Variants in NTPCR observed in about 807,000 individuals in gnomAD.
NTPCR encodes cancer-related nucleoside-triphosphatase.
Under a neutral mutation model 19.5 loss-of-function variants are expected in NTPCR, and 15 were observed. The observed-to-expected ratio is 0.77, with a 90% CI of 0.51 to 1.18. The LOEUF (loss-of-function observed/expected upper bound fraction) is 1.18. NTPCR is among the 50% of genes most tolerant of loss of function. NTPCR has a pLI of 0.00. For synonymous variants in NTPCR, 90 were observed against 95.8 expected (o/e 0.94, Z 0.36); for missense variants, 206 against 240.4 (o/e 0.86, Z 0.95).
chr1:232,951,551 A>T (rs546468284), intron 1 of NTPCR, among the ~76,000 whole-genome samples: 1 of 152,314 alleles, frequency 6.6e-6, no homozygotes, highest in Admixed American at 6.5e-5. Flanking sequence ...CTAAAAAAAG[A>T]TAGATGGGCT....
chr1:232,969,955 A>C lies in NTPCR; in HGVS notation c.341A>C (p.Glu114Ala). The change falls in exon 4 of 5, where the codon GAG becomes GCG. Residue 114 changes from glutamate to alanine, a missense_variant. Transcript: ENST00000366628. ...GGGCAAAGAGTGTGCGTCATCGATG[A>C]GATTGGGAAGATGGAGCTCTTCAGT... Reference protein sequence around the residue: ...GPGQRVCVIDEIGKMELFSQL... With the variant: ...GPGQRVCVIDAIGKMELFSQL... 1 of 1,614,166 alleles carries C rather than the reference A, an allele frequency of 6.2e-7. No individual in the cohort carries two copies. The highest frequency in any genetic ancestry group is 1.1e-5 in the South Asian group (1 of 91,078).
At chr1:232,951,931 T>C (rs1428307500) in intron 1 of NTPCR, among the ~76,000 whole-genome samples, 1 of 152,166 alleles carries the variant, frequency 6.6e-6, no homozygotes, top group Non-Finnish European at 1.5e-5. Context: ...CCAAGACAAC[T>C]GTGTGTTTTA....
At chr1:232,951,084 G>T in intron 1 of NTPCR, 1 of 280,414 alleles carries the variant, frequency 3.6e-6, no homozygotes, top group Non-Finnish European at 6.7e-6. Context: ...GAGATCTGCG[G>T]CAACCGCGAT....
chr1:232,969,453 C>G (rs149960214), intron 3 of NTPCR: 1 of 157,344 alleles, frequency 6.4e-6, no homozygotes. Flanking sequence ...AGATTCCCTA[C>G]GTGCTGGGGG....
chr1:232,976,173 T>C (rs1256165654), intron 4 of NTPCR: 4 of 652,284 alleles, frequency 6.1e-6, no homozygotes, highest in Non-Finnish European at 6.7e-6. Context: ...AATGTACATA[T>C]TTATGGGGTA....
At chr1:232,951,595 G>A (rs1668367790) in intron 1 of NTPCR, among the ~76,000 whole-genome samples, 1 of 152,206 alleles carries the variant, frequency 6.6e-6, no homozygotes, top group South Asian at 2.1e-4. Flanking sequence ...CAGCTCCTTT[G>A]CAAGGCAAAT....
At chr1:232,953,155 C>A (rs544576705) in intron 1 of NTPCR, among the ~76,000 whole-genome samples, 1 of 152,294 alleles carries the variant, frequency 6.6e-6, no homozygotes, top group East Asian at 1.9e-4. Context: ...GGTGTCCTTC[C>A]CTTCCCTTTC....
chr1:232,966,725 C>T (rs181575811), intron 3 of NTPCR: 2 of 152,286 alleles, frequency 1.3e-5, no homozygotes, highest in East Asian at 3.9e-4. Flanking sequence ...TCTCCCGGAA[C>T]AGGGAAACTA....
chr1:232,969,208 C>A (rs373741758), intron 3 of NTPCR: 6 of 152,430 alleles, frequency 3.9e-5, no homozygotes, highest in African/African-American at 1.4e-4. Flanking sequence ...GCCTCAGTGC[C>A]TCACCACGTG....
At position 232,981,385 on chromosome 1, in the gene NTPCR, GTATTCA is replaced by G. The variant is rs1182991980; in HGVS notation, c.*3157_*3162del. The G allele has an allele frequency of 1.3e-5, 2 of 152,216 alleles. No individual in the cohort carries two copies. Among genetic ancestry groups the G allele is most frequent in the African/African-American group, 4.8e-5 (2 of 41,444 alleles). The allele number at this position is 152,216 out of a possible 1,614,324, so 9.4% of individuals were successfully genotyped here. On this transcript the variant is annotated 3_prime_UTR_variant, in exon 5 of 5. Transcript: ENST00000366628. ...TCCTCTTCTTTTCCTGCCAATTACCGTATTCATAGAAGGTTGTGTCTGTGGATCACA... is the reference window on the plus strand; with the variant it reads ...TCCTCTTCTTTTCCTGCCAATTACCGTAGAAGGTTGTGTCTGTGGATCACA...
chr1:232,955,625 G>T lies in NTPCR; in HGVS notation c.103G>T (p.Gly35Ter). The T allele has an allele frequency of 1.9e-6, 3 of 1,613,038 alleles. No individual in the cohort carries two copies. Among genetic ancestry groups the T allele is most frequent in the Non-Finnish European group, 2.5e-6 (3 of 1,179,816 alleles). Reference protein sequence around the residue: ...VLKSSGVPVDGFYTEEVRQGG... With the variant: ...VLKSSGVPVD ...AAAATCCTCTGGTGTGCCTGTTGATGGATTTTATACCGAAGAAGTCAGACA... is the reference window on the plus strand; with the variant it reads ...AAAATCCTCTGGTGTGCCTGTTGATTGATTTTATACCGAAGAAGTCAGACA... Residue 35 changes from glycine (G) to a stop codon, truncating the protein, a stop_gained, in exon 2 of 5, where the codon GGA becomes TGA. Coordinates refer to ENST00000366628, the MANE Select transcript of NTPCR (RefSeq NM_032324.3). LOFTEE classifies it high-confidence loss of function.
rs1375548459 is a variant in NTPCR at position 232,982,235 on chromosome 1, AAAAAAG to A, written c.*4013_*4018del. ...AAATATAAAAGTTGTGTACCACGAT[AAAAAAG>A]AAAAAGAAGTATGGCTGCACTGTTG... On this transcript the variant is annotated 3_prime_UTR_variant, in exon 5 of 5. Transcript: ENST00000366628. 2 of 152,198 alleles carry A rather than the reference AAAAAAG, an allele frequency of 1.3e-5. No homozygotes were observed. The highest frequency in any genetic ancestry group is 2.9e-5 in the Non-Finnish European group (2 of 68,030). 9.4% of individuals were successfully genotyped at this position (152,198 alleles called of 1,614,324 possible).
At chr1:232,954,195 G>A (rs113899868) in intron 1 of NTPCR, among the ~76,000 whole-genome samples, 1 of 152,232 alleles carries the variant, frequency 6.6e-6, no homozygotes, top group Non-Finnish European at 1.5e-5. Flanking sequence ...GGCTGGATTA[G>A]AATGTCATCA....
chr1:232,969,168 G>C (rs1489421993), intron 3 of NTPCR: 1 of 152,270 alleles, frequency 6.6e-6, no homozygotes, highest in Non-Finnish European at 1.5e-5. Context: ...GTTGCTGGCA[G>C]GTTCATTTCC....
chr1:232,954,221 A>T (rs1206833930), intron 1 of NTPCR, among the ~76,000 whole-genome samples: 1 of 152,234 alleles, frequency 6.6e-6, no homozygotes, highest in Non-Finnish European at 1.5e-5. Flanking sequence ...TGTTCTACAC[A>T]GTTCTACCAG....
At chr1:232,952,064 T>A (rs10797597) in intron 1 of NTPCR, among the ~76,000 whole-genome samples, 9,972 of 152,198 alleles carry the variant, frequency 0.066, 758 homozygotes, top group African/African-American at 0.18. Context: ...CTCTTAAACC[T>A]GTCCTCAAAC....
chr1:232,960,238 A>AG (rs1668633748), intron 3 of NTPCR, among the ~76,000 whole-genome samples: 2 of 148,148 alleles, frequency 1.3e-5, no homozygotes, highest in Non-Finnish European at 3.0e-5. Flanking sequence ...AAAAAAAAAA[A>AG]GTGGCCGGGA....
chr1:232,966,451 C>T (rs1165381901), intron 3 of NTPCR: 1 of 152,128 alleles, frequency 6.6e-6, no homozygotes, highest in African/African-American at 2.4e-5. Context: ...CTTGGATTAG[C>T]TTGCTCTCAG....
At position 232,981,512 on chromosome 1, in the gene NTPCR, C is replaced by T. The variant is rs1669278999; in HGVS notation, c.*3281C>T. On this transcript the variant is annotated 3_prime_UTR_variant, in exon 5 of 5. Transcript: ENST00000366628. ...GCTGGAGACGGGTGGGCTAAGTAAA[C>T]AGGCATTGCATTGCACATTTTGTGG... 6.6e-6 allele frequency: 1 copy of T among 152,156 alleles called. No individual in the cohort carries two copies. The highest frequency in any genetic ancestry group is 1.5e-5 in the Non-Finnish European group (1 of 68,020). The allele number at this position is 152,156 out of a possible 1,614,324, so 9.4% of individuals were successfully genotyped here.
Sources: gnomAD v4.1 joint callset for allele counts (sites outside exome capture counted in the v4.1 genomes callset) on GRCh38, gnomAD v4.1.1 for gene constraint, MANE v1.5 for transcripts, NCBI Gene and HGNC (gene_info 2026-07-23, HGNC 2026-07-21) for gene names.